The following UHRF1 variants were observed in gnomAD, a reference collection of about 807,000 sequenced individuals.
The protein encoded by UHRF1 is E3 ubiquitin-protein ligase UHRF1.
A neutral mutation model predicts 96.5 loss-of-function variants in UHRF1; 9 were observed. That is an observed-to-expected ratio of 0.09 (90% CI 0.06 to 0.16). The LOEUF (loss-of-function observed/expected upper bound fraction) is 0.16. UHRF1 is among the 10% of genes least tolerant of loss of function. The probability of loss-of-function intolerance (pLI) is 1.00; values close to 1 mark genes in which losing one functional copy is unlikely to be tolerated. For synonymous variants in UHRF1, 455 were observed against 469.9 expected, an observed-to-expected ratio of 0.97 and a Z score of 0.41; for missense variants, 626 against 1,131.1, an observed-to-expected ratio of 0.55 and a Z score of 6.40.
At chr19:4,922,228 T>A (rs1386861446) in intron 2 of UHRF1, among the ~76,000 whole-genome samples, 2 of 151,850 alleles carry the variant, frequency 1.3e-5, no homozygotes, top group Non-Finnish European at 2.9e-5. Context: ...ATTACAGGTG[T>A]GAGCCACCGG....
At chr19:4,928,365 G>A (rs1173711416) in intron 2 of UHRF1, among the ~76,000 whole-genome samples, 4 of 152,026 alleles carry the variant, frequency 2.6e-5, no homozygotes, top group African/African-American at 9.7e-5. Context: ...CCGGGAGAGG[G>A]TCCTTGTTGG....
chr19:4,920,460 G>A (rs1244242461), intron 2 of UHRF1, among the ~76,000 whole-genome samples: 2 of 151,988 alleles, frequency 1.3e-5, no homozygotes, highest in Non-Finnish European at 2.9e-5. Flanking sequence ...TAAGTCCCAC[G>A]TAGCCATCAC....
At chr19:4,940,924 C>A (rs1039882378) in intron 5 of UHRF1, among the ~76,000 whole-genome samples, 1 of 150,280 alleles carries the variant, frequency 6.7e-6, no homozygotes, top group Non-Finnish European at 1.5e-5. Context: ...CGGCCTGCCT[C>A]GGTCTCCCAA....
intron 9 of UHRF1, 128 bp from the exon 10 acceptor site, chr19:4,945,733 G>T: frequency 1.4e-6 from 1 of 691,612 alleles, no homozygotes; most frequent in Non-Finnish European, 2.6e-6. Context: ...TAGGTGACTC[G>T]CAGGCCTGAG....
In UHRF1 at chr19:4,927,403, A is replaced by ATT. The variant is rs1555747779; in HGVS notation, c.154-1813_154-1812dup. ...CTCAAAAAAAAAAAAAAAAAAAAAA[A>ATT]TTTTTTTCTGGAAAAGATGAGTCAG... On this transcript the variant is annotated intron_variant, in intron 2 of 16. Transcript: ENST00000650932. Among the ~76,000 whole-genome samples the ATT allele has an allele frequency of 5.7e-3, 782 of 136,128 alleles. 12 individuals carry two copies. Among genetic ancestry groups the ATT allele is most frequent in the African/African-American group, 0.022 (748 of 34,114 alleles). 89.3% of individuals were successfully genotyped at this position (136,128 alleles called of 152,430 possible).
intron 5 of UHRF1, among the ~76,000 whole-genome samples, chr19:4,937,901 A>G (rs1361380736): frequency 6.6e-6 from 1 of 152,160 alleles, no homozygotes; most frequent in Non-Finnish European, 1.5e-5. Flanking sequence ...CTGTAATTTC[A>G]GCACTTGGAG....
At chr19:4,929,983 T>C (rs2032997218) in intron 3 of UHRF1, among the ~76,000 whole-genome samples, 1 of 152,032 alleles carries the variant, frequency 6.6e-6, no homozygotes, top group African/African-American at 2.4e-5. Context: ...TTTTATTTTA[T>C]TACTTTTTTA....
intron 2 of UHRF1, among the ~76,000 whole-genome samples, chr19:4,916,075 T>G (rs2146294403): frequency 6.6e-6 from 1 of 152,120 alleles, no homozygotes; most frequent in African/African-American, 2.4e-5. Flanking sequence ...TTTGGGAGGC[T>G]GAGGCGAGGA....
upstream of UHRF1, among the ~76,000 whole-genome samples, chr19:4,907,704 CTTTTTTTTTTTTTT>C (rs59867968): frequency 1.3e-4 from 6 of 47,704 alleles, no homozygotes; most frequent in East Asian, 6.4e-4. Flanking sequence ...TTGGCCTGAT[CTTTTTTTTTTTTTT>C]TTTTTTTTTT....
rs1276247724 is a variant in UHRF1, at chr19:4,950,035, T to A, written c.1518-576T>A. Among the ~76,000 whole-genome samples, 6 of 114,706 alleles carry A rather than the reference T, an allele frequency of 5.2e-5. No homozygotes were observed. The East Asian group carries it at 1.7e-3, about 33-fold the overall frequency. The allele number at this position is 114,706 out of a possible 152,430, so 75.3% of individuals were successfully genotyped here. A position where few individuals can be genotyped will look rare whatever the true frequency, so the allele number is the denominator to read the frequency against. ...ATAGGTGCATGTTACCACGCCTGGC[T>A]ATTTTTTTTTTTTTTTGTGGAGATG... On this transcript the variant is annotated intron_variant, in intron 11 of 16. Transcript: ENST00000650932.
intron 11 of UHRF1, among the ~76,000 whole-genome samples, chr19:4,948,670 C>T (rs2033636402): frequency 6.6e-6 from 1 of 151,988 alleles, no homozygotes; most frequent in Non-Finnish European, 1.5e-5. Context: ...GGTGTGGTGG[C>T]AGGCACCTGT....
rs71170880 is a variant in UHRF1, at chr19:4,938,730, G to GTTTTTTTTTTTTTTTTTTTTTTTTTTT, written c.786-2793_786-2767dup. ...GGCATAAGAGTTTTGTTTTGGTCAG[G>GTTTTTTTTTTTTTTTTTTTTTTTTTTT]TTTTTTTTTTTTTTTTTTTTTTTTT... On this transcript the variant is annotated intron_variant, in intron 5 of 16. Transcript: ENST00000650932. Among the ~76,000 whole-genome samples, 16 of 61,586 alleles carry GTTTTTTTTTTTTTTTTTTTTTTTTTTT rather than the reference G, an allele frequency of 2.6e-4. 1 individual carries two copies. Among genetic ancestry groups the GTTTTTTTTTTTTTTTTTTTTTTTTTTT allele is most frequent in the African/African-American group, 5.7e-4 (8 of 14,068 alleles). The allele number at this position is 61,586 out of a possible 152,430, so 40.4% of individuals were successfully genotyped here.
intron 16 of UHRF1, 91 bp from the exon 17 acceptor site, chr19:4,960,566 G>T: frequency 6.6e-7 from 1 of 1,520,598 alleles, no homozygotes; most frequent in Non-Finnish European, 8.9e-7. Flanking sequence ...TCTGGACCTG[G>T]TGAGACTGTC....
rs1169762787 is a variant in UHRF1, at chr19:4,931,491, A to G, written c.569+615A>G. On this transcript the variant is annotated intron_variant, in intron 4 of 16. Coordinates refer to ENST00000650932, the MANE Select transcript of UHRF1 (RefSeq NM_001048201.3). ...TATTTTTATTTTATTTTTTCGAGAC[A>G]GAGTCTTACTCTGTCACTCAGGCTA... 2.0e-5 allele frequency among the ~76,000 whole-genome samples: 3 copies of G among 150,060 alleles called. No individual in the cohort carries two copies. In the Admixed American group the frequency reaches 2.0e-4, roughly 10 times the overall value.
Position 4,956,751 on chromosome 19 carries a change from A to G in UHRF1, c.2173A>G (p.Ile725Val). Reference sequence around the variant, plus strand: ...TAAAGTGGAGGAGACGTTCCAGTGTATCTGCTGTCAGGAGCTGGTGTTCCG... The same window carrying G: ...TAAAGTGGAGGAGACGTTCCAGTGTGTCTGCTGTCAGGAGCTGGTGTTCCG... ...LSKVEETFQCICCQELVFRPI... is the reference protein window; with the variant it reads ...LSKVEETFQCVCCQELVFRPI... The change falls in exon 16 of 17, where the codon ATC becomes GTC. Residue 725 changes from isoleucine (I) to valine (V), a missense_variant. By Grantham distance (29) the Ile-to-Val change is conservative (BLOSUM62 3). Around this residue, in one of 11 missense-constraint regions of UHRF1, gnomAD observed 84 missense variants for 150.3 expected, o/e 0.56. Coordinates refer to ENST00000650932, the MANE Select transcript of UHRF1 (RefSeq NM_001048201.3). The G allele has an allele frequency of 6.2e-7, 1 of 1,612,638 alleles. No homozygotes were observed. The highest frequency in any genetic ancestry group is 8.5e-7 in the Non-Finnish European group (1 of 1,179,360).
At chr19:4,925,889 C>CT (rs2032853328) in intron 2 of UHRF1, among the ~76,000 whole-genome samples, 3 of 149,920 alleles carry the variant, frequency 2.0e-5, no homozygotes, top group East Asian at 2.0e-4. Flanking sequence ...TTTTTCTTTT[C>CT]TTTCTTTCTT....
At chr19:4,933,092 C>A in intron 5 of UHRF1, 136 bp downstream of exon 5, 1 of 948,644 alleles carries the variant, frequency 1.1e-6, no homozygotes, top group Non-Finnish European at 1.5e-6. Flanking sequence ...TTCCTGCCTC[C>A]CCTCTGGGGT....
At chr19:4,932,571 A>C in intron 4 of UHRF1, 170 bp from the exon 5 acceptor site, 1 of 676,492 alleles carries the variant, frequency 1.5e-6, no homozygotes, top group Non-Finnish European at 2.5e-6. Context: ...ACAATTTTGT[A>C]CCTGGAATGT....
chr19:4,918,281 G>A (rs751104489), intron 2 of UHRF1, among the ~76,000 whole-genome samples: 14 of 151,676 alleles, frequency 9.2e-5, no homozygotes, highest in Non-Finnish European at 1.5e-4. Context: ...CACCACGTCC[G>A]GCTAATTTTT....
Sources: allele counts gnomAD v4.1 joint callset (sites outside exome capture counted in the v4.1 genomes callset), GRCh38; gene constraint gnomAD v4.1.1; regional missense constraint gnomAD v4.1.1; transcripts MANE v1.5; gene names NCBI Gene and HGNC (gene_info 2026-07-23, HGNC 2026-07-21).